AKR1C2: variants seen among roughly 807,000 people sequenced by gnomAD.
The protein encoded by AKR1C2 is 3-alpha-HSD3.
A neutral mutation model predicts 39.8 loss-of-function variants in AKR1C2; 27 were observed. The observed-to-expected ratio is 0.68, with a 90% CI of 0.50 to 0.93. The LOEUF is 0.93. Ranked by LOEUF, AKR1C2 falls within the 40% of genes least tolerant of loss-of-function variation. The pLI, the probability that AKR1C2 is intolerant of heterozygous loss-of-function variation, is 0.00. For missense variants in AKR1C2, 263 were observed against 365.1 expected, an observed-to-expected ratio of 0.72 and a Z score of 2.28; for synonymous variants, 114 against 137.9, an observed-to-expected ratio of 0.83 and a Z score of 1.22.
chr10:5,011,534 G>A (rs2895051), intron 1 of AKR1C2, among the ~76,000 whole-genome samples: 1 of 152,154 alleles, frequency 6.6e-6, no homozygotes, highest in African/African-American at 2.4e-5. Flanking sequence ...TGGCAAGATG[G>A]TCTACAAAAA....
chr10:5,000,585 C>T lies in AKR1C2; in HGVS notation c.334G>A (p.Asp112Asn), dbSNP rs377671048. ...ACTGGAAAATGAATAAGATAGAGGT[C>T]AACATAGTCCAATTGAAGATTTTTC... is the stretch of plus-strand genomic sequence containing the variant. ...SLKNLQLDYV[D>N]LYLIHFPVSV... The change falls in exon 3 of 9, where the codon GAC (aspartate) becomes AAC (asparagine). Residue 112 changes from aspartate (D) to asparagine (N), a missense_variant. This residue lies in a region of AKR1C2 where 247 missense variants were observed against 267.9 expected (regional missense o/e 0.92). Coordinates refer to ENST00000380753, the MANE Select transcript of AKR1C2 (RefSeq NM_001393392.1). 1.9e-6 allele frequency: 3 copies of T among 1,613,996 alleles called. No homozygotes were observed. Among genetic ancestry groups the T allele is most frequent in the African/African-American group, 1.3e-5 (1 of 75,008 alleles).
At chr10:4,992,540 C>T (rs1303318713) in intron 7 of AKR1C2, among the ~76,000 whole-genome samples, 1 of 152,074 alleles carries the variant, frequency 6.6e-6, no homozygotes, top group Non-Finnish European at 1.5e-5. Flanking sequence ...TAAAAAATGA[C>T]AGCAATGTAA....
At chr10:5,009,429 C>T (rs183091922) in intron 1 of AKR1C2, among the ~76,000 whole-genome samples, 26 of 152,126 alleles carry the variant, frequency 1.7e-4, no homozygotes, top group Admixed American at 4.6e-4. Context: ...GCTTGCACAC[C>T]TTGCGACCAC....
intron 7 of AKR1C2, among the ~76,000 whole-genome samples, chr10:4,992,687 A>G (rs1836881189): frequency 2.7e-5 from 4 of 147,912 alleles, no homozygotes; most frequent in Admixed American, 2.0e-4. Context: ...ACGTTGGCTC[A>G]CGCCTATAAT....
Position 4,995,762 on chromosome 10 carries a change from T to C in AKR1C2, c.674A>G (p.Glu225Gly), listed in dbSNP as rs1459476115. 2 of 1,611,432 alleles carry C rather than the reference T, an allele frequency of 1.2e-6. No homozygotes were observed. Among genetic ancestry groups the C allele is most frequent in the Admixed American group, 3.4e-5 (2 of 59,618 alleles). Reference protein sequence around the residue: ...AYSALGSHREEPWVDPNSPVL... With the variant: ...AYSALGSHREGPWVDPNSPVL... Reference sequence around the variant, plus strand: ...TTCCTGTATCTCTTATTACCATGGTTCTTCTCGATGGGATCCCAGAGCACT... The same window carrying C: ...TTCCTGTATCTCTTATTACCATGGTCCTTCTCGATGGGATCCCAGAGCACT... Residue 225 changes from glutamate (E) to glycine (G), a missense_variant, in exon 6 of 9, where the codon GAA (glutamate) becomes GGA (glycine). Glu to Gly is a moderately conservative substitution (Grantham distance 98). Transcript: ENST00000380753.
chr10:4,990,522 C>G (rs1304413255), intron 8 of AKR1C2, among the ~76,000 whole-genome samples: 2 of 152,240 alleles, frequency 1.3e-5, no homozygotes, highest in East Asian at 3.9e-4. Context: ...ACCTGCCTAT[C>G]ATACGCAACA....
At chr10:4,993,511 A>G (rs1588298397) in intron 7 of AKR1C2, among the ~76,000 whole-genome samples, 1 of 152,164 alleles carries the variant, frequency 6.6e-6, no homozygotes, top group East Asian at 1.9e-4. Context: ...CCAAATTTAT[A>G]AGGAAAGAAT....
chr10:5,012,162 A>G (rs1314863286), intron 1 of AKR1C2, among the ~76,000 whole-genome samples: 1 of 152,178 alleles, frequency 6.6e-6, no homozygotes, highest in East Asian at 1.9e-4. Context: ...TATATCTGAG[A>G]TGAAATCTAG....
rs575248523 is a variant in AKR1C2 at position 4,999,293 on chromosome 10, T to A, written c.370-16A>T. 72 of 1,573,496 alleles carry A rather than the reference T, an allele frequency of 4.6e-5. No homozygotes were observed. The East Asian group carries it at 1.5e-3, about 32-fold the overall frequency. On this transcript the variant is annotated splice_polypyrimidine_tract_variant and intron_variant, in intron 3 of 8. Transcript: ENST00000380753. Reference sequence around the variant, plus strand: ...CCTCACCTGGCTGAAGTAGAAGCAGTCAGTTTAGTGATGTCACAAGTCAAT... The same window carrying A: ...CCTCACCTGGCTGAAGTAGAAGCAGACAGTTTAGTGATGTCACAAGTCAAT...
At chr10:5,001,386 A>C (rs1404295962) in intron 2 of AKR1C2, 128 bp downstream of exon 2, 1 of 1,484,748 alleles carries the variant, frequency 6.7e-7, no homozygotes, top group Non-Finnish European at 9.0e-7. Context: ...TTAATACATG[A>C]GTAAGTGTGA....
rs190112591 is a variant in AKR1C2 at position 5,014,542 on chromosome 10, T to A, written c.-88+3358A>T. ...ATCATTTAGTTTTCAACCTTTCTTA[T>A]CTTGAATACATCCTCTGTCCTTGGT... On this transcript the variant is annotated intron_variant, in intron 1 of 6. Transcript: ENST00000604507. Among the ~76,000 whole-genome samples, 1,025 of 152,274 alleles carry A rather than the reference T, an allele frequency of 6.7e-3. 4 individuals carry two copies. Among genetic ancestry groups the A allele is most frequent in the Non-Finnish European group, 0.011 (749 of 68,022 alleles).
rs1184644390 is a variant in AKR1C2 at position 4,992,949 on chromosome 10, C to CA, written c.847-1037dup. ...TGGGTGACAGAACGAGACTCTGTCT[C>CA]AAAAAAAAAATGATCAGTAATGGAG... is the stretch of plus-strand genomic sequence containing the variant. On this transcript the variant is annotated intron_variant, in intron 7 of 8. Coordinates refer to ENST00000380753, the MANE Select transcript of AKR1C2 (RefSeq NM_001393392.1). Among the ~76,000 whole-genome samples the CA allele has an allele frequency of 7.4e-3, 1,063 of 143,628 alleles. 16 individuals are homozygous for CA. The highest frequency in any genetic ancestry group is 0.025 in the African/African-American group (981 of 38,912). The allele number at this position is 143,628 out of a possible 152,430, so 94.2% of individuals were successfully genotyped here.
chr10:5,005,494 A>C (rs1554774314), upstream of AKR1C2, among the ~76,000 whole-genome samples: 1 of 148,346 alleles, frequency 6.7e-6, no homozygotes, highest in Non-Finnish European at 1.5e-5. Flanking sequence ...CATCCTGGCC[A>C]ACATGGTGAA....
At chr10:4,992,446 A>G (rs1295275162) in intron 7 of AKR1C2, among the ~76,000 whole-genome samples, 3 of 152,168 alleles carry the variant, frequency 2.0e-5, no homozygotes, top group African/African-American at 7.2e-5. Flanking sequence ...AAAAGATGTC[A>G]CTCTTTCTAA....
chr10:5,013,010 G>A (rs1248560281), intron 1 of AKR1C2, among the ~76,000 whole-genome samples: 1 of 152,112 alleles, frequency 6.6e-6, no homozygotes, highest in African/African-American at 2.4e-5. Flanking sequence ...ACACTTGAAT[G>A]AACCTCTATT....
At chr10:5,014,946 C>G (rs1837607782) in intron 1 of AKR1C2, 2 of 152,264 alleles carry the variant, frequency 1.3e-5, no homozygotes, top group African/African-American at 4.8e-5. Context: ...TTTACTCAGC[C>G]TTTTGCACAG....
chr10:4,997,886 A>T (rs1264971449), intron 5 of AKR1C2, among the ~76,000 whole-genome samples: 1 of 152,194 alleles, frequency 6.6e-6, no homozygotes, highest in Non-Finnish European at 1.5e-5. Context: ...GAAAAGATGG[A>T]ATTATCTCTA....
rs192196421 is a variant in AKR1C2, at chr10:5,002,779, T to C, written c.84+973A>G. 1.7e-4 allele frequency among the ~76,000 whole-genome samples: 26 copies of C among 152,334 alleles called. No homozygotes were observed. In the East Asian group the frequency reaches 4.8e-3, roughly 28 times the overall value. ...ACCGGGTCTCACAGCCCTCTCCTCATACCATCTTTGATCTTCTCTTCGCTG... is the reference window on the plus strand; with the variant it reads ...ACCGGGTCTCACAGCCCTCTCCTCACACCATCTTTGATCTTCTCTTCGCTG... On this transcript the variant is annotated intron_variant, in intron 1 of 8. Coordinates refer to ENST00000380753, the MANE Select transcript of AKR1C2 (RefSeq NM_001393392.1).
At chr10:5,001,305 C>G (rs1208327706) in intron 2 of AKR1C2, among the ~76,000 whole-genome samples, 15 of 152,278 alleles carry the variant, frequency 9.9e-5, no homozygotes, top group Non-Finnish European at 2.2e-4. Flanking sequence ...AGTAAAGGCA[C>G]TTTGAAGGCA....
Sources: allele counts gnomAD v4.1 joint callset (sites outside exome capture counted in the v4.1 genomes callset), GRCh38; gene constraint gnomAD v4.1.1; regional missense constraint gnomAD v4.1.1; transcripts MANE v1.5; gene names NCBI Gene and HGNC (gene_info 2026-07-23, HGNC 2026-07-21).